GPC6: variants seen among roughly 807,000 people sequenced by gnomAD.
GPC6 encodes glypican-6.
GPC6 carries 14 observed loss-of-function variants against 55.2 expected under a neutral mutation model. The observed-to-expected ratio is 0.25, with a 90% CI of 0.17 to 0.40. GPC6 has a LOEUF of 0.40. Among genes scored for constraint, GPC6 ranks in the 10% least tolerant of loss-of-function variants. The pLI is 1.00. For synonymous variants in GPC6, 278 were observed against 259.6 expected, an observed-to-expected ratio of 1.07 and a Z score of -0.68; for missense variants, 641 against 708.5, an observed-to-expected ratio of 0.90 and a Z score of 1.08.
chr13:93,516,327 T>A (rs1233057116), intron 1 of GPC6, among the ~76,000 whole-genome samples: 2 of 152,006 alleles, frequency 1.3e-5, no homozygotes, highest in East Asian at 3.9e-4. Flanking sequence ...TTGAATGGAG[T>A]CCTTATTAAT....
At chr13:93,998,254 G>T (rs1243320202) in intron 3 of GPC6, among the ~76,000 whole-genome samples, 1 of 152,124 alleles carries the variant, frequency 6.6e-6, no homozygotes, top group Non-Finnish European at 1.5e-5. Context: ...TAAACTAAGA[G>T]TTGGTGGGTT....
intron 2 of GPC6, among the ~76,000 whole-genome samples, chr13:93,798,524 T>G (rs969573269): frequency 4.6e-5 from 7 of 152,176 alleles, no homozygotes; most frequent in African/African-American, 1.7e-4. Flanking sequence ...TGCTGTGCTA[T>G]GAAGGGTTAT....
intron 2 of GPC6, among the ~76,000 whole-genome samples, chr13:93,795,847 A>G (rs904348922): frequency 2.0e-5 from 3 of 152,082 alleles, no homozygotes; most frequent in Non-Finnish European, 4.4e-5. Context: ...ATTTTAATAC[A>G]TGGGGAAGTA....
chr13:94,045,358 G>A (rs1260446678), intron 4 of GPC6, among the ~76,000 whole-genome samples: 1 of 151,770 alleles, frequency 6.6e-6, no homozygotes, highest in East Asian at 1.9e-4. Context: ...TTTTGCTAAC[G>A]TTTATATAAT....
intron 2 of GPC6, among the ~76,000 whole-genome samples, chr13:93,666,996 CT>C (rs989773975): frequency 1.6e-4 from 24 of 151,230 alleles, no homozygotes; most frequent in African/African-American, 4.1e-4. Flanking sequence ...TTCAAAATAA[CT>C]TTTTTTTTGG....
intron 1 of GPC6, among the ~76,000 whole-genome samples, chr13:93,449,483 C>T (rs973302): frequency 0.17 from 24,250 of 146,496 alleles, 2,518 homozygotes; most frequent in East Asian, 0.47. Context: ...TTCTGCACTC[C>T]ATGGATACAA....
chr13:93,843,169 C>G (rs906085641), intron 3 of GPC6, among the ~76,000 whole-genome samples: 17 of 150,360 alleles, frequency 1.1e-4, no homozygotes, highest in African/African-American at 3.7e-4. Context: ...CTGGGTATCT[C>G]TTACAAAAAA....
chr13:93,980,475 G>A (rs150827947), intron 3 of GPC6, among the ~76,000 whole-genome samples: 1 of 152,164 alleles, frequency 6.6e-6, no homozygotes, highest in Non-Finnish European at 1.5e-5. Flanking sequence ...CAGCCAAGCA[G>A]TATTCTCTGC....
chr13:93,631,328 A>T (rs1879420610), intron 2 of GPC6, among the ~76,000 whole-genome samples: 1 of 152,130 alleles, frequency 6.6e-6, no homozygotes, highest in Non-Finnish European at 1.5e-5. Flanking sequence ...CACTCCTCCC[A>T]GTGCAGGTCG....
intron 2 of GPC6, among the ~76,000 whole-genome samples, chr13:93,651,149 C>A (rs1295552701): frequency 6.6e-6 from 1 of 152,078 alleles, no homozygotes; most frequent in East Asian, 1.9e-4. Context: ...GCAGGACATT[C>A]AGATGAAATA....
chr13:93,986,763 A>T (rs1881049867), intron 3 of GPC6, among the ~76,000 whole-genome samples: 2 of 152,166 alleles, frequency 1.3e-5, no homozygotes, highest in African/African-American at 4.8e-5. Context: ...ATATTTTATT[A>T]TGTGTTATTT....
intron 2 of GPC6, among the ~76,000 whole-genome samples, chr13:93,635,681 C>T (rs1879661122): frequency 6.6e-6 from 1 of 152,174 alleles, no homozygotes; most frequent in African/African-American, 2.4e-5. Context: ...GTGAGATCTG[C>T]CCAGCATATA....
chr13:93,358,916 A>G (rs9561329), intron 1 of GPC6, among the ~76,000 whole-genome samples: 23,013 of 150,896 alleles, frequency 0.15, 2,146 homozygotes, highest in East Asian at 0.37. Flanking sequence ...GTTTTAGGTG[A>G]TTGTTATGTC....
chr13:94,311,550 T>A (rs1468994330), intron 6 of GPC6, among the ~76,000 whole-genome samples: 1 of 152,220 alleles, frequency 6.6e-6, no homozygotes, highest in African/African-American at 2.4e-5. Flanking sequence ...GAGGGGCACA[T>A]ACTTATTTGT....
At chr13:94,138,428 G>A (rs571165909) in intron 4 of GPC6, among the ~76,000 whole-genome samples, 52 of 152,056 alleles carry the variant, frequency 3.4e-4, no homozygotes, top group African/African-American at 1.1e-3. Flanking sequence ...CGTTCCAGTC[G>A]TCTTTATACT....
At chr13:93,550,090 C>T (rs1875060040) in intron 2 of GPC6, among the ~76,000 whole-genome samples, 1 of 152,020 alleles carries the variant, frequency 6.6e-6, no homozygotes, top group African/African-American at 2.4e-5. Context: ...GAATTTGTCC[C>T]TAAATTAAAG....
At chr13:94,285,025 T>C (rs1394937643) in intron 4 of GPC6, among the ~76,000 whole-genome samples, 1 of 152,170 alleles carries the variant, frequency 6.6e-6, no homozygotes, top group African/African-American at 2.4e-5. Context: ...ATTTATATTG[T>C]GTTTTTAAAA....
intron 6 of GPC6, among the ~76,000 whole-genome samples, chr13:94,332,715 G>A (rs1877488993): frequency 6.6e-6 from 1 of 152,206 alleles, no homozygotes; most frequent in African/African-American, 2.4e-5. Context: ...TTTCGAAAAG[G>A]TTTTTGTTTC....
At chr13:93,403,221 A>G (rs904394833) in intron 1 of GPC6, among the ~76,000 whole-genome samples, 16 of 152,172 alleles carry the variant, frequency 1.1e-4, no homozygotes, top group African/African-American at 3.9e-4. Flanking sequence ...TCAAAACAAT[A>G]ATATTCTCTC....
Sources: gnomAD v4.1 joint callset for allele counts (sites outside exome capture counted in the v4.1 genomes callset) on GRCh38, gnomAD v4.1.1 for gene constraint, MANE v1.5 for transcripts, NCBI Gene and HGNC (gene_info 2026-07-23, HGNC 2026-07-21) for gene names.